The following PNCK variants were observed in gnomAD, a reference collection of about 807,000 sequenced individuals.
PNCK encodes the protein pregnancy up-regulated nonubiquitous CaM kinase, also known as calcium/calmodulin-dependent protein kinase type 1B.
Under a neutral mutation model 28.3 loss-of-function variants are expected in PNCK, and 21 were observed. That is an observed-to-expected ratio of 0.74 (90% CI 0.53 to 1.07). The LOEUF (loss-of-function observed/expected upper bound fraction) is 1.07, where lower values mean the gene tolerates loss of function less well. Ranked by LOEUF, PNCK falls within the 50% of genes least tolerant of loss-of-function variation. PNCK has a pLI of 0.00. For missense variants in PNCK, 250 were observed against 298.3 expected (o/e 0.84, Z 1.19); for synonymous variants, 136 against 125.2 (o/e 1.09, Z -0.58).
chrX:153,673,222 C>T (rs1557040785), intron 1 of PNCK, 144 bp from the exon 2 acceptor site: 8 of 1,194,562 alleles, frequency 6.7e-6, no homozygotes, highest in Non-Finnish European at 9.0e-6. Flanking sequence ...AGGTCCACAC[C>T]CCCAGACGGA....
intron 1 of PNCK, among the ~76,000 whole-genome samples, chrX:153,680,233 G>A (rs1479987067): frequency 1.8e-5 from 2 of 108,208 alleles, no homozygotes; most frequent in African/African-American, 3.4e-5. Flanking sequence ...TCAAGGTGGC[G>A]TCTAATGGTA....
chrX:153,680,796 G>A (rs781972956), intron 1 of PNCK, among the ~76,000 whole-genome samples: 3 of 110,456 alleles, frequency 2.7e-5, no homozygotes, highest in Non-Finnish European at 5.7e-5. Flanking sequence ...TTGGGAGGCC[G>A]AGGAGGGTGG....
At chrX:153,678,994 A>G (rs1168630647), upstream of PNCK, among the ~76,000 whole-genome samples, 1 of 111,242 alleles carries the variant, frequency 9.0e-6, no homozygotes, top group African/African-American at 3.3e-5. Context: ...TTTATCACTG[A>G]CTAGTATTCC....
chrX:153,670,581 G>A lies in PNCK; in HGVS notation c.908C>T (p.Ala303Val). 2 of 1,210,670 alleles carry A rather than the reference G, an allele frequency of 1.7e-6. No individual in the cohort carries two copies. Among genetic ancestry groups the A allele is most frequent in the Non-Finnish European group, 2.2e-6 (2 of 895,155 alleles). The change falls in exon 11 of 12, where the codon GCC (alanine) becomes GTC (valine). Residue 303 changes from alanine (A) to valine (V), a missense_variant. Physicochemically the swap from Ala to Val is moderately conservative, Grantham distance 64 (BLOSUM62 0). Coordinates refer to ENST00000340888, the MANE Select transcript of PNCK (RefSeq NM_001366977.1). ...ARTHWKRAFN[A>V]TSFLRHIRKL... ...CCGGATGTGGCGCAGGAACGAGGTG[G>A]CATTGAAGGCTCGCTGCCAGAAGAG...
rs868928121 is a variant in PNCK at position 153,671,337 on chromosome X, G to A, written c.562C>T (p.Pro188Ser). Residue 188 changes from proline (P) to serine (S), a missense_variant, in exon 7 of 12, where the codon CCC becomes TCC. Coordinates refer to ENST00000340888, the MANE Select transcript of PNCK (RefSeq NM_001366977.1). ...CACACATCTACGGCCTTCCCGTAGG[G>A]TTTCTGCTCCAAGAGCTCTGGGGCT... ...YVAPELLEQKPYGKAVDVWAL... is the reference protein window; with the variant it reads ...YVAPELLEQKSYGKAVDVWAL... 1 of 1,210,353 alleles carries A rather than the reference G, an allele frequency of 8.3e-7. No homozygotes were observed. The highest frequency in any genetic ancestry group is 1.1e-6 in the Non-Finnish European group (1 of 895,211).
intron 1 of PNCK, among the ~76,000 whole-genome samples, chrX:153,681,150 T>C (rs187875983): frequency 1.2e-4 from 13 of 110,159 alleles, no homozygotes; most frequent in African/African-American, 4.3e-4. Context: ...AAACCAAATA[T>C]AAGGTACACA....
intron 1 of PNCK, among the ~76,000 whole-genome samples, chrX:153,682,312 G>A (rs575270333): frequency 9.0e-5 from 10 of 111,322 alleles, no homozygotes; most frequent in African/African-American, 1.3e-4. Context: ...GCAGGGTGTC[G>A]CACTGTCTCT....
At chrX:153,677,656 A>AGT (rs1260117883), upstream of PNCK, among the ~76,000 whole-genome samples, 3 of 99,561 alleles carry the variant, frequency 3.0e-5, no homozygotes, top group African/African-American at 1.2e-4. Context: ...GTATATATAT[A>AGT]GTGTGTATAT....
At chrX:153,687,406 C>T (rs2091425744) in intron 1 of PNCK, 2 of 327,960 alleles carry the variant, frequency 6.1e-6, no homozygotes, top group South Asian at 5.2e-5. Context: ...CCTCTGCCCA[C>T]TGTGGAGACA....
chrX:153,679,566 C>CTTTTCTTTTCTTTTT (rs1234242873), upstream of PNCK, among the ~76,000 whole-genome samples: 1 of 46,091 alleles, frequency 2.2e-5, no homozygotes, highest in African/African-American at 9.2e-5. Flanking sequence ...CTTTTCTTTT[C>CTTTTCTTTTCTTTTT]TTTTTTTTTT....
chrX:153,672,955 A>G, intron 2 of PNCK, 54 bp downstream of exon 2: 2 of 93,007 alleles, frequency 2.2e-5, no homozygotes, highest in Non-Finnish European at 3.2e-5. Context: ...TCACACAGGT[A>G]CACACACACA....
upstream of PNCK, among the ~76,000 whole-genome samples, chrX:153,677,819 T>C (rs1302313693): frequency 1.9e-5 from 2 of 105,050 alleles, no homozygotes; most frequent in Admixed American, 1.1e-4. Flanking sequence ...TGTATGTATA[T>C]ATATAGTGTA....
upstream of PNCK, chrX:153,674,005 C>T: frequency 8.5e-7 from 1 of 1,176,193 alleles, no homozygotes; most frequent in Non-Finnish European, 1.1e-6. Context: ...GCGCCGCCTC[C>T]CGGAGCTGCG....
At chrX:153,676,237 A>G (rs1242845500), upstream of PNCK, among the ~76,000 whole-genome samples, 2 of 110,964 alleles carry the variant, frequency 1.8e-5, no homozygotes, top group Non-Finnish European at 3.8e-5. Context: ...TCTGTGCTGG[A>G]CGTGCTCACA....
chrX:153,673,771 G>T lies in PNCK; in HGVS notation c.-3+9C>A. On this transcript the variant is annotated intron_variant, in intron 1 of 11. Coordinates refer to ENST00000340888, the MANE Select transcript of PNCK (RefSeq NM_001366977.1). ...CCGCGCGTCCCCGCGCCCCGGAGCA[G>T]GTGCAGACCTGGAGCGGGTGCCGCA... The T allele has an allele frequency of 2.7e-6, 2 of 747,505 alleles. No homozygotes were observed. Among genetic ancestry groups the T allele is most frequent in the South Asian group, 6.6e-5 (1 of 15,157 alleles). The allele number at this position is 747,505 out of a possible 1,213,427, so 61.6% of individuals were successfully genotyped here.
In PNCK at chrX:153,671,384, G is replaced by T. The variant is rs373526914; in HGVS notation, c.539-24C>A. The T allele has an allele frequency of 1.1e-5, 13 of 1,210,377 alleles. No homozygotes were observed. In the South Asian group the frequency reaches 2.3e-4, roughly 21 times the overall value. Reference sequence around the variant, plus strand: ...GGCTGGGGGCCAGAGACAGACAGACGCACGCACAGGCACACACGCAGCCAT... The same window carrying T: ...GGCTGGGGGCCAGAGACAGACAGACTCACGCACAGGCACACACGCAGCCAT... On this transcript the variant is annotated intron_variant, in intron 6 of 11. Coordinates refer to ENST00000340888, the MANE Select transcript of PNCK (RefSeq NM_001366977.1).
intron 3 of PNCK, 50 bp from the exon 4 acceptor site, chrX:153,672,250 T>G (rs781996625): frequency 1.8e-6 from 2 of 1,117,660 alleles, no homozygotes; most frequent in East Asian, 6.1e-5. Flanking sequence ...AGGGGTGCTC[T>G]GTCCTGAGGC....
chrX:153,670,428 T>C, intron 11 of PNCK, 22 bp downstream of exon 11: 1 of 1,210,725 alleles, frequency 8.3e-7, no homozygotes, highest in Non-Finnish European at 1.1e-6. Context: ...CTCCTGGGCG[T>C]GCAGGGTCCA....
chrX:153,677,822 A>G (rs2091377483), upstream of PNCK, among the ~76,000 whole-genome samples: 1 of 105,133 alleles, frequency 9.5e-6, no homozygotes, highest in Admixed American at 1.1e-4. Flanking sequence ...ATGTATATAT[A>G]TAGTGTATAT....
Sources: gnomAD v4.1 joint callset for allele counts (sites outside exome capture counted in the v4.1 genomes callset) on GRCh38, gnomAD v4.1.1 for gene constraint, MANE v1.5 for transcripts, NCBI Gene and HGNC (gene_info 2026-07-23, HGNC 2026-07-21) for gene names.